The following TSPEAR variants were observed in gnomAD, a reference collection of about 807,000 sequenced individuals.
TSPEAR encodes the protein thrombospondin-type laminin G domain and EAR repeat-containing protein.
Under a neutral mutation model 71.6 loss-of-function variants are expected in TSPEAR, and 69 were observed. The ratio of observed to expected loss-of-function variants is 0.96; its 90% confidence interval spans 0.79 to 1.18. The LOEUF is 1.18. Among genes scored for constraint, TSPEAR ranks in the 50% most tolerant of loss-of-function variants. TSPEAR has a pLI of 0.00. For missense variants in TSPEAR, 971 were observed against 894.9 expected, an observed-to-expected ratio of 1.09 and a Z score of -1.09; for synonymous variants, 402 against 387.2, an observed-to-expected ratio of 1.04 and a Z score of -0.45.
At chr21:44,627,453 CT>C (rs1382673613) in intron 1 of TSPEAR, 1 of 1,608,660 alleles carries the variant, frequency 6.2e-7, no homozygotes, top group African/African-American at 1.3e-5. Context: ...CCTCCTCCCC[CT>C]GCCAGCAGGC....
At chr21:44,579,398 A>C in intron 1 of TSPEAR, 2 of 360,632 alleles carry the variant, frequency 5.5e-6, no homozygotes, top group Non-Finnish European at 5.1e-6. Flanking sequence ...AGTCATGGCT[A>C]GAGACCAATC....
chr21:44,711,311 T>C lies in TSPEAR; in HGVS notation c.82+122A>G. 1.1e-6 allele frequency: 1 copy of C among 904,306 alleles called. No individual in the cohort carries two copies. The highest frequency in any genetic ancestry group is 1.7e-6 in the Non-Finnish European group (1 of 586,638). The allele number at this position is 904,306 out of a possible 1,614,324, so 56.0% of individuals were successfully genotyped here. A position where few individuals can be genotyped will look rare whatever the true frequency, so the allele number is the denominator to read the frequency against. ...TCCACAGGGTGCTACCTGCCAGTCC[T>C]GCCAAAGCGTCCTCGGGCACCGCGG... On this transcript the variant is annotated intron_variant, in intron 1 of 11. Coordinates refer to ENST00000323084, the MANE Select transcript of TSPEAR (RefSeq NM_144991.3). The surrounding 1 kb of genome is among the most constrained non-coding windows in gnomAD (Gnocchi z 4.5).
intron 2 of TSPEAR, chr21:44,539,154 AG>A: frequency 7.3e-7 from 1 of 1,362,024 alleles, no homozygotes. Context: ...GGCTCCTGGG[AG>A]CAAGGAGGGG....
At position 44,681,927 on chromosome 21, in the gene TSPEAR, G is replaced by A. The variant is rs782316833; in HGVS notation, c.82+29506C>T. ...CCCAGAGGACTGGCAGGAGGGAGCC[G>A]CATACACGACGGGCCTGCAGCTCAC... On this transcript the variant is annotated intron_variant, in intron 1 of 11. Transcript: ENST00000323084. 40 of 1,613,940 alleles carry A rather than the reference G, an allele frequency of 2.5e-5. 1 individual carries two copies. The Middle Eastern group carries it at 4.9e-4, about 20-fold the overall frequency.
intron 1 of TSPEAR, among the ~76,000 whole-genome samples, chr21:44,691,708 T>C (rs1246177561): frequency 6.6e-6 from 1 of 152,210 alleles, no homozygotes; most frequent in Admixed American, 6.5e-5. Context: ...GAACCCACTA[T>C]AAACCAGTTA....
chr21:44,599,390 C>T (rs1980619086), intron 1 of TSPEAR, among the ~76,000 whole-genome samples: 1 of 152,198 alleles, frequency 6.6e-6, no homozygotes. Context: ...CACCCTGAGC[C>T]TCTGAGACTT....
chr21:44,661,093 G>A (rs1319756515), intron 1 of TSPEAR, among the ~76,000 whole-genome samples: 2 of 152,110 alleles, frequency 1.3e-5, no homozygotes, highest in Non-Finnish European at 2.9e-5. Context: ...GGCTAACACG[G>A]TGAAACCCGT....
chr21:44,499,590 C>T lies in TSPEAR; in HGVS notation c.*193G>A, dbSNP rs2051986530. On this transcript the variant is annotated 3_prime_UTR_variant, in exon 12 of 12. Coordinates refer to ENST00000323084, the MANE Select transcript of TSPEAR (RefSeq NM_144991.3). ...GACCAGACCGTCACTGGGGCTGTGG[C>T]TCAGAAGGACTCAGAGGTGGATGGA... 1.8e-6 allele frequency: 1 copy of T among 563,750 alleles called. No individual in the cohort carries two copies. The allele number at this position is 563,750 out of a possible 1,614,324, so 34.9% of individuals were successfully genotyped here. A position where few individuals can be genotyped will look rare whatever the true frequency, so the allele number is the denominator to read the frequency against.
At position 44,711,313 on chromosome 21, in the gene TSPEAR, C is replaced by A; in HGVS notation, c.82+120G>T. ...CACAGGGTGCTACCTGCCAGTCCTG[C>A]CAAAGCGTCCTCGGGCACCGCGGCT... On this transcript the variant is annotated intron_variant, in intron 1 of 11. Transcript: ENST00000323084. This position sits in a 1 kb window ranked among gnomAD's most constrained non-coding sequence, Gnocchi z 4.5. The A allele has an allele frequency of 1.1e-6, 1 of 934,258 alleles. No individual in the cohort carries two copies. Among genetic ancestry groups the A allele is most frequent in the Non-Finnish European group, 1.6e-6 (1 of 612,980 alleles). The allele number at this position is 934,258 out of a possible 1,614,324, so 57.9% of individuals were successfully genotyped here.
intron 1 of TSPEAR, among the ~76,000 whole-genome samples, chr21:44,636,841 C>G (rs1416361327): frequency 6.6e-6 from 1 of 152,220 alleles, no homozygotes; most frequent in African/African-American, 2.4e-5. Context: ...CCAGAACATT[C>G]CATCTCCTCA....
chr21:44,682,016 C>T (rs782019114), intron 1 of TSPEAR: 2 of 1,609,398 alleles, frequency 1.2e-6, no homozygotes, highest in Non-Finnish European at 1.7e-6. Flanking sequence ...AGCTCACGGG[C>T]ACGCACACGG....
In TSPEAR at chr21:44,499,799, C is replaced by T. The variant is rs200086668; in HGVS notation, c.1994G>A (p.Arg665Gln). The stretch of plus-strand genomic sequence containing the variant: ...GCCGCGGCCTCAGCGTGTCCTCAGC[C>T]GCAGGACCCTGGAGAGGGGCTCCTT... ...SAKEPLSRVL[R>Q]LRTR is the part of the protein sequence containing the mutation. The change falls in exon 12 of 12, where the codon CGG (arginine) becomes CAG (glutamine). Residue 665 changes from arginine (R) to glutamine (Q), a missense_variant. Arg to Gln is a conservative substitution (Grantham distance 43). Transcript: ENST00000323084. The T allele has an allele frequency of 5.4e-5, 85 of 1,572,322 alleles. No individual in the cohort carries two copies. The highest frequency in any genetic ancestry group is 1.9e-4 in the Middle Eastern group (1 of 5,200).
intron 1 of TSPEAR, among the ~76,000 whole-genome samples, chr21:44,590,365 G>A (rs1555926305): frequency 1.3e-5 from 2 of 152,202 alleles, no homozygotes; most frequent in East Asian, 3.9e-4. Flanking sequence ...CTGGGGGTGT[G>A]GGGACAGGGT....
intron 1 of TSPEAR, among the ~76,000 whole-genome samples, chr21:44,619,701 G>A (rs925983662): frequency 2.6e-5 from 4 of 152,232 alleles, no homozygotes; most frequent in Admixed American, 6.5e-5. Flanking sequence ...TTCTGGAATT[G>A]GAAAGTACAG....
At chr21:44,525,611 T>A in intron 8 of TSPEAR, 42 bp downstream of exon 8, 1 of 1,601,272 alleles carries the variant, frequency 6.2e-7, no homozygotes, top group Non-Finnish European at 8.5e-7. Context: ...GCTCTGCCCC[T>A]GGAATGGTTG....
intron 6 of TSPEAR, among the ~76,000 whole-genome samples, chr21:44,528,028 C>A (rs1469695147): frequency 3.3e-5 from 5 of 152,128 alleles, no homozygotes; most frequent in African/African-American, 1.2e-4. Flanking sequence ...GAGGCGGCAG[C>A]CGGGCCACCC....
chr21:44,498,242 T>G lies in TSPEAR; in HGVS notation c.*1541A>C, dbSNP rs78629123. The G allele has an allele frequency of 1.2e-4, 18 of 152,388 alleles. No homozygotes were observed. Among genetic ancestry groups the G allele is most frequent in the African/African-American group, 4.3e-4 (18 of 41,564 alleles). The allele number at this position is 152,388 out of a possible 1,614,324, so 9.4% of individuals were successfully genotyped here. A position where few individuals can be genotyped will look rare whatever the true frequency, so the allele number is the denominator to read the frequency against. On this transcript the variant is annotated 3_prime_UTR_variant, in exon 12 of 12. Transcript: ENST00000323084. ...TCCTGCAGGACTCAGCTTTCAGCTT[T>G]TTTCTTCTTGGTTGAGTGAATTGGG...
At chr21:44,564,775 C>T (rs1217515619) in intron 2 of TSPEAR, among the ~76,000 whole-genome samples, 22 of 152,016 alleles carry the variant, frequency 1.4e-4, no homozygotes, top group African/African-American at 5.1e-4. Context: ...TACAATAAAC[C>T]AATAAAGTCT....
chr21:44,499,534 A>G lies in TSPEAR; in HGVS notation c.*249T>C. 1 of 484,998 alleles carries G rather than the reference A, an allele frequency of 2.1e-6. No homozygotes were observed. Among genetic ancestry groups the G allele is most frequent in the Non-Finnish European group, 3.6e-6 (1 of 276,522 alleles). 30.0% of individuals were successfully genotyped at this position (484,998 alleles called of 1,614,324 possible). ...CCGCTTGACACTCAGATGGGCGAGCACTGGCAGGGGCTCTGGGCCTCTGCC... is the reference window on the plus strand; with the variant it reads ...CCGCTTGACACTCAGATGGGCGAGCGCTGGCAGGGGCTCTGGGCCTCTGCC... On this transcript the variant is annotated 3_prime_UTR_variant, in exon 12 of 12. Transcript: ENST00000323084.
Sources: allele counts gnomAD v4.1 joint callset (sites outside exome capture counted in the v4.1 genomes callset), GRCh38; gene constraint gnomAD v4.1.1; non-coding constraint Gnocchi (gnomAD v3.1); transcripts MANE v1.5; gene names NCBI Gene and HGNC (gene_info 2026-07-23, HGNC 2026-07-21).